SPAG16: variants seen among roughly 807,000 people sequenced by gnomAD.
SPAG16 encodes the protein sperm-associated antigen 16 protein.
In SPAG16, 86 loss-of-function variants were observed where a neutral mutation model predicts 80.4. The observed-to-expected ratio is 1.07, with a 90% CI of 0.90 to 1.28. The LOEUF is 1.28. SPAG16 is among the 50% of genes most tolerant of loss of function. The probability of loss-of-function intolerance (pLI) is 0.00; values close to 1 mark genes in which losing one functional copy is unlikely to be tolerated. For missense variants in SPAG16, 870 were observed against 765.3 expected (o/e 1.14, Z -1.61); for synonymous variants, 294 against 265.9 (o/e 1.11, Z -1.03).
chr2:213,982,143 T>G (rs1245527302), intron 12 of SPAG16, among the ~76,000 whole-genome samples: 1 of 152,008 alleles, frequency 6.6e-6, no homozygotes, highest in Non-Finnish European at 1.5e-5. Flanking sequence ...CTACATTCAA[T>G]TTGTATTCAA....
intron 14 of SPAG16, among the ~76,000 whole-genome samples, chr2:214,111,611 C>T (rs1448451256): frequency 1.3e-5 from 2 of 152,156 alleles, no homozygotes; most frequent in African/African-American, 4.8e-5. Context: ...CTTGGCAATG[C>T]AGGCTCTTTT....
chr2:213,835,285 A>G (rs1232914573), intron 10 of SPAG16, among the ~76,000 whole-genome samples: 1 of 152,178 alleles, frequency 6.6e-6, no homozygotes, highest in Non-Finnish European at 1.5e-5. Context: ...TTATAGCCTA[A>G]ATATCATTTT....
intron 10 of SPAG16, among the ~76,000 whole-genome samples, chr2:213,614,824 A>T (rs1332198260): frequency 6.6e-6 from 1 of 152,224 alleles, no homozygotes; most frequent in Admixed American, 6.5e-5. Context: ...TTTAGCAAAG[A>T]TGGCTTGTGA....
At chr2:214,352,908 C>T (rs1427787447) in intron 15 of SPAG16, among the ~76,000 whole-genome samples, 1 of 152,094 alleles carries the variant, frequency 6.6e-6, no homozygotes, top group East Asian at 1.9e-4. Context: ...AGACCTTACA[C>T]ATAGTTACTA....
At chr2:214,404,682 T>TA (rs1012158490) in intron 15 of SPAG16, among the ~76,000 whole-genome samples, 4 of 151,928 alleles carry the variant, frequency 2.6e-5, no homozygotes, top group African/African-American at 9.7e-5. Flanking sequence ...AAAATTTGTT[T>TA]AAAAAAAGAA....
chr2:213,363,019 A>G (rs2066073175), intron 7 of SPAG16, among the ~76,000 whole-genome samples: 2 of 151,312 alleles, frequency 1.3e-5, no homozygotes, highest in Non-Finnish European at 2.9e-5. Context: ...TAGGAGACCT[A>G]AAAACTAGTT....
At chr2:213,340,033 G>A (rs2064593297) in intron 5 of SPAG16, 130 bp from the exon 6 acceptor site, 2 of 631,150 alleles carry the variant, frequency 3.2e-6, no homozygotes, top group African/African-American at 3.7e-5. Flanking sequence ...AATCTTCGAT[G>A]AGAATTATAG....
chr2:213,791,656 T>G (rs1041952676), intron 10 of SPAG16, among the ~76,000 whole-genome samples: 5 of 152,154 alleles, frequency 3.3e-5, no homozygotes, highest in Admixed American at 6.5e-5. Context: ...CATTCTGAAA[T>G]CTACGTTAAA....
At chr2:213,720,599 C>G (rs906498101) in intron 10 of SPAG16, among the ~76,000 whole-genome samples, 1 of 151,518 alleles carries the variant, frequency 6.6e-6, no homozygotes, top group African/African-American at 2.4e-5. Flanking sequence ...GATCGCGCCA[C>G]TGCACTCCAG....
chr2:213,748,754 A>T (rs1415131800), intron 10 of SPAG16, among the ~76,000 whole-genome samples: 2 of 152,224 alleles, frequency 1.3e-5, no homozygotes, highest in African/African-American at 4.8e-5. Flanking sequence ...GATATGTAAT[A>T]TAAATAGAAA....
chr2:213,605,974 A>ATC (rs2061247105), intron 10 of SPAG16, among the ~76,000 whole-genome samples: 1 of 152,194 alleles, frequency 6.6e-6, no homozygotes, highest in South Asian at 2.1e-4. Context: ...TCCAGATGGC[A>ATC]TCCTCTATGG....
chr2:213,342,931 A>AG (rs2064775645), intron 6 of SPAG16, among the ~76,000 whole-genome samples: 1 of 151,940 alleles, frequency 6.6e-6, no homozygotes, highest in Non-Finnish European at 1.5e-5. Flanking sequence ...ACCCAAGCAG[A>AG]GCATGGTGGC....
At chr2:213,751,233 A>ATAGT (rs1284494664) in intron 10 of SPAG16, among the ~76,000 whole-genome samples, 2 of 152,048 alleles carry the variant, frequency 1.3e-5, no homozygotes, top group East Asian at 3.9e-4. Context: ...TAGGGCTGAC[A>ATAGT]TAGTTATTTA....
chr2:214,266,853 A>C (rs1422070587), intron 15 of SPAG16, among the ~76,000 whole-genome samples: 2 of 151,854 alleles, frequency 1.3e-5, no homozygotes, highest in Non-Finnish European at 2.9e-5. Flanking sequence ...AGTTAAAAGG[A>C]ATAAAATACT....
chr2:213,860,958 CTCA>C (rs1217432222), intron 10 of SPAG16, among the ~76,000 whole-genome samples: 2 of 152,114 alleles, frequency 1.3e-5, no homozygotes, highest in East Asian at 1.9e-4. Flanking sequence ...TTTTTTACCT[CTCA>C]TCATATTTTT....
intron 13 of SPAG16, among the ~76,000 whole-genome samples, chr2:214,039,229 G>A (rs1467343565): frequency 2.1e-4 from 32 of 152,128 alleles, no homozygotes; most frequent in Non-Finnish European, 3.5e-4. Flanking sequence ...TTTAATGATC[G>A]CCATTCTAAC....
chr2:214,211,883 G>A (rs1268674510), intron 15 of SPAG16, among the ~76,000 whole-genome samples: 1 of 152,046 alleles, frequency 6.6e-6, no homozygotes, highest in Non-Finnish European at 1.5e-5. Flanking sequence ...CCATCAGCAA[G>A]TCCTGCTGGT....
intron 11 of SPAG16, among the ~76,000 whole-genome samples, chr2:213,893,662 T>A (rs2076879153): frequency 6.6e-6 from 1 of 152,132 alleles, no homozygotes. Context: ...TAAGATAACT[T>A]GTCATATCTG....
At chr2:213,867,952 A>AAAAAAAAAAAAAAAAAAAAAAC (rs2075768956) in intron 11 of SPAG16, among the ~76,000 whole-genome samples, 1 of 144,044 alleles carries the variant, frequency 6.9e-6, no homozygotes, top group Non-Finnish European at 1.5e-5. Context: ...AAAAAAAAAG[A>AAAAAAAAAAAAAAAAAAAAAAC]TAGCTCAAAC....
Sources: allele counts gnomAD v4.1 joint callset (sites outside exome capture counted in the v4.1 genomes callset), GRCh38; gene constraint gnomAD v4.1.1; transcripts MANE v1.5; gene names NCBI Gene and HGNC (gene_info 2026-07-23, HGNC 2026-07-21).